The following HULC variants were observed in gnomAD, a reference collection of about 807,000 sequenced individuals.
HULC encodes hepatocellular carcinoma up-regulated long non-coding RNA, also known as hepatocellular carcinoma associated transcript 1 (non-protein coding).
In HULC at chr6:8,652,854, C is replaced by G. The variant is rs1218344720; in HGVS notation, n.313+105640C>G. Reference sequence around the variant, plus strand: ...GGACAACCATGTATGCTGTCTGAAGCACAGCCTGACGCCCCTGTGGACCTT... The same window carrying G: ...GGACAACCATGTATGCTGTCTGAAGGACAGCCTGACGCCCCTGTGGACCTT... On this transcript the variant is annotated intron_variant and non_coding_transcript_variant, in intron 3 of 8. Transcript: ENST00000645747. The surrounding 1 kb of genome is among the most constrained non-coding windows in gnomAD (Gnocchi z 5.0). 1.3e-5 allele frequency: 2 copies of G among 152,254 alleles called. No homozygotes were observed. Among genetic ancestry groups the G allele is most frequent in the Non-Finnish European group, 2.9e-5 (2 of 68,094 alleles). The allele number at this position is 152,254 out of a possible 1,614,324, so 9.4% of individuals were successfully genotyped here. A position where few individuals can be genotyped will look rare whatever the true frequency, so the allele number is the denominator to read the frequency against.
At position 8,653,199 on chromosome 6, in the gene HULC, C is replaced by T. The variant is rs185805304; in HGVS notation, n.313+105985C>T. 2.0e-5 allele frequency: 3 copies of T among 152,296 alleles called. No homozygotes were observed. Among genetic ancestry groups the T allele is most frequent in the Admixed American group, 2.0e-4 (3 of 15,306 alleles). The allele number at this position is 152,296 out of a possible 1,614,324, so 9.4% of individuals were successfully genotyped here. On this transcript the variant is annotated intron_variant and non_coding_transcript_variant, in intron 3 of 8. Transcript: ENST00000645747. This position sits in a 1 kb window ranked among gnomAD's most constrained non-coding sequence, Gnocchi z 4.3. Reference sequence around the variant, plus strand: ...GAAACCATTTAGGGAACAATGTATTCACTTGCTAAAGATCAACCAACTTGT... The same window carrying T: ...GAAACCATTTAGGGAACAATGTATTTACTTGCTAAAGATCAACCAACTTGT...
rs1296059006 is a variant in HULC at position 8,652,869 on chromosome 6, C to G, written n.313+105655C>G. On this transcript the variant is annotated intron_variant and non_coding_transcript_variant, in intron 3 of 8. Coordinates refer to ENST00000645747, the Ensembl canonical transcript of HULC. The surrounding 1 kb of genome is among the most constrained non-coding windows in gnomAD (Gnocchi z 5.0). ...CTGTCTGAAGCACAGCCTGACGCCC[C>G]TGTGGACCTTTATAGAATGCAAAGA... is the stretch of plus-strand genomic sequence containing the variant. 6.6e-6 allele frequency: 1 copy of G among 152,232 alleles called. No homozygotes were observed. The highest frequency in any genetic ancestry group is 1.9e-4 in the East Asian group (1 of 5,196). 9.4% of individuals were successfully genotyped at this position (152,232 alleles called of 1,614,324 possible). A position where few individuals can be genotyped will look rare whatever the true frequency, so the allele number is the denominator to read the frequency against.
chr6:8,653,147 C>A lies in HULC; in HGVS notation n.313+105933C>A, dbSNP rs1313466123. 6.6e-6 allele frequency: 1 copy of A among 152,128 alleles called. No individual in the cohort carries two copies. The highest frequency in any genetic ancestry group is 1.5e-5 in the Non-Finnish European group (1 of 68,012). 9.4% of individuals were successfully genotyped at this position (152,128 alleles called of 1,614,324 possible). On this transcript the variant is annotated intron_variant and non_coding_transcript_variant, in intron 3 of 8. Coordinates refer to ENST00000645747, the Ensembl canonical transcript of HULC. The surrounding 1 kb of genome is among the most constrained non-coding windows in gnomAD (Gnocchi z 4.3). ...CCTTAGAACATCACAGTGAGTGCAACCTCCCACAGAGCTAACCTGTGTAAT... is the reference window on the plus strand; with the variant it reads ...CCTTAGAACATCACAGTGAGTGCAAACTCCCACAGAGCTAACCTGTGTAAT...
Position 8,653,667 on chromosome 6 carries a change from C to T in HULC, n.313+106453C>T, listed in dbSNP as rs1257559405. On this transcript the variant is annotated intron_variant and non_coding_transcript_variant, in intron 3 of 8. Transcript: ENST00000645747. The surrounding 1 kb of genome is among the most constrained non-coding windows in gnomAD (Gnocchi z 4.3). ...AAGTTTCCTGGCAATAAACTAAGCA[C>T]AGCATTATTTTTTAAGGAACACAAA... 1.3e-5 allele frequency: 2 copies of T among 152,090 alleles called. No individual in the cohort carries two copies. The highest frequency in any genetic ancestry group is 2.9e-5 in the Non-Finnish European group (2 of 68,020). 9.4% of individuals were successfully genotyped at this position (152,090 alleles called of 1,614,324 possible). A position where few individuals can be genotyped will look rare whatever the true frequency, so the allele number is the denominator to read the frequency against.
In HULC at chr6:8,653,150, C is replaced by G. The variant is rs889031377; in HGVS notation, n.313+105936C>G. 13 of 152,154 alleles carry G rather than the reference C, an allele frequency of 8.5e-5. No individual in the cohort carries two copies. Among genetic ancestry groups the G allele is most frequent in the African/African-American group, 2.9e-4 (12 of 41,448 alleles). 9.4% of individuals were successfully genotyped at this position (152,154 alleles called of 1,614,324 possible). On this transcript the variant is annotated intron_variant and non_coding_transcript_variant, in intron 3 of 8. Coordinates refer to ENST00000645747, the Ensembl canonical transcript of HULC. This position sits in a 1 kb window ranked among gnomAD's most constrained non-coding sequence, Gnocchi z 4.3. The stretch of plus-strand genomic sequence containing the variant: ...TAGAACATCACAGTGAGTGCAACCT[C>G]CCACAGAGCTAACCTGTGTAATTGA...
chr6:8,652,961 C>G lies in HULC; in HGVS notation n.313+105747C>G, dbSNP rs1450671145. 6.6e-6 allele frequency: 1 copy of G among 152,268 alleles called. No homozygotes were observed. The highest frequency in any genetic ancestry group is 1.5e-5 in the Non-Finnish European group (1 of 68,104). 9.4% of individuals were successfully genotyped at this position (152,268 alleles called of 1,614,324 possible). On this transcript the variant is annotated intron_variant and non_coding_transcript_variant, in intron 3 of 8. Coordinates refer to ENST00000645747, the Ensembl canonical transcript of HULC. This position sits in a 1 kb window ranked among gnomAD's most constrained non-coding sequence, Gnocchi z 5.0. ...AATTCACTTATGCTCCACCCCCAACCCAGAACTCTGCGGATAAAGGAATTC... is the reference window on the plus strand; with the variant it reads ...AATTCACTTATGCTCCACCCCCAACGCAGAACTCTGCGGATAAAGGAATTC...
Position 8,652,515 on chromosome 6 carries a change from T to C in HULC, n.313+105301T>C, listed in dbSNP as rs1767315371. On this transcript the variant is annotated intron_variant and non_coding_transcript_variant, in intron 3 of 8. Transcript: ENST00000645747. The surrounding 1 kb of genome is among the most constrained non-coding windows in gnomAD (Gnocchi z 5.0). ...GTGGGGCTGTTCCTTCACTATCTGG[T>C]GCTGAAGCTTTAAGTCCACGGGGCA... The C allele has an allele frequency of 6.6e-6, 1 of 152,314 alleles. No homozygotes were observed. The highest frequency in any genetic ancestry group is 1.5e-5 in the Non-Finnish European group (1 of 68,162). 9.4% of individuals were successfully genotyped at this position (152,314 alleles called of 1,614,324 possible). A position where few individuals can be genotyped will look rare whatever the true frequency, so the allele number is the denominator to read the frequency against.
Position 8,652,654 on chromosome 6 carries a change from A to G in HULC, n.313+105440A>G, listed in dbSNP as rs1411560198. On this transcript the variant is annotated intron_variant and non_coding_transcript_variant, in intron 3 of 8. Transcript: ENST00000645747. The surrounding 1 kb of genome is among the most constrained non-coding windows in gnomAD (Gnocchi z 5.0). ...CTGGGACCCATTAGCCCCTCTTACC[A>G]CCTGTTAGCCTCCATCTTTGATTAT... The G allele has an allele frequency of 6.6e-6, 1 of 152,096 alleles. No individual in the cohort carries two copies. The allele number at this position is 152,096 out of a possible 1,614,324, so 9.4% of individuals were successfully genotyped here. A position where few individuals can be genotyped will look rare whatever the true frequency, so the allele number is the denominator to read the frequency against.
Position 8,653,100 on chromosome 6 carries a change from C to G in HULC, n.313+105886C>G, listed in dbSNP as rs1300271687. The G allele has an allele frequency of 6.6e-6, 1 of 151,608 alleles. No homozygotes were observed. Among genetic ancestry groups the G allele is most frequent in the Non-Finnish European group, 1.5e-5 (1 of 68,022 alleles). 9.4% of individuals were successfully genotyped at this position (151,608 alleles called of 1,614,324 possible). On this transcript the variant is annotated intron_variant and non_coding_transcript_variant, in intron 3 of 8. Coordinates refer to ENST00000645747, the Ensembl canonical transcript of HULC. This position sits in a 1 kb window ranked among gnomAD's most constrained non-coding sequence, Gnocchi z 4.3. ...GTTTCAGTGCTACAGAATATTTTAT[C>G]TTCTCAGAAACCATGTAGTCTCCTT...
Position 8,652,668 on chromosome 6 carries a change from ATCTTTGATTATGGAATCGAT to A in HULC, n.313+105456_313+105475del, listed in dbSNP as rs573150815. 3 of 152,384 alleles carry A rather than the reference ATCTTTGATTATGGAATCGAT, an allele frequency of 2.0e-5. No homozygotes were observed. In the South Asian group the frequency reaches 6.2e-4, roughly 32 times the overall value. 9.4% of individuals were successfully genotyped at this position (152,384 alleles called of 1,614,324 possible). A position where few individuals can be genotyped will look rare whatever the true frequency, so the allele number is the denominator to read the frequency against. On this transcript the variant is annotated intron_variant and non_coding_transcript_variant, in intron 3 of 8. Transcript: ENST00000645747. The surrounding 1 kb of genome is among the most constrained non-coding windows in gnomAD (Gnocchi z 5.0). ...CCCCTCTTACCACCTGTTAGCCTCCATCTTTGATTATGGAATCGATTTGCTGGAGAAGCTGGAGCTTTTCC... is the reference window on the plus strand; with the variant it reads ...CCCCTCTTACCACCTGTTAGCCTCCATTGCTGGAGAAGCTGGAGCTTTTCC...
In HULC at chr6:8,652,454, A is replaced by G. The variant is rs1328867; in HGVS notation, n.313+105240A>G. On this transcript the variant is annotated intron_variant and non_coding_transcript_variant, in intron 3 of 8. Coordinates refer to ENST00000645747, the Ensembl canonical transcript of HULC. This position sits in a 1 kb window ranked among gnomAD's most constrained non-coding sequence, Gnocchi z 5.0. ...TATAGCAGCCTAAGCGGACTGAGAC[A>G]CGTGAAGGTGGACTGAGACACATGA... 0.44 allele frequency: 66,949 copies of G among 152,150 alleles called. 15,059 individuals carry two copies. Among genetic ancestry groups the G allele is most frequent in the Non-Finnish European group, 0.46 (31,191 of 68,034 alleles). 9.4% of individuals were successfully genotyped at this position (152,150 alleles called of 1,614,324 possible).
At position 8,652,918 on chromosome 6, in the gene HULC, C is replaced by G. The variant is rs76371722; in HGVS notation, n.313+105704C>G. The G allele has an allele frequency of 0.073, 11,136 of 152,286 alleles. 434 individuals are homozygous for G. The highest frequency in any genetic ancestry group is 0.11 in the Middle Eastern group (32 of 294). 9.4% of individuals were successfully genotyped at this position (152,286 alleles called of 1,614,324 possible). A position where few individuals can be genotyped will look rare whatever the true frequency, so the allele number is the denominator to read the frequency against. On this transcript the variant is annotated intron_variant and non_coding_transcript_variant, in intron 3 of 8. Coordinates refer to ENST00000645747, the Ensembl canonical transcript of HULC. The surrounding 1 kb of genome is among the most constrained non-coding windows in gnomAD (Gnocchi z 5.0). ...GAGTATGGCTGCTACTTCACTTTTA[C>G]CTTTCAAATCTTGTGCAAATTCACT...
chr6:8,653,554 T>C lies in HULC; in HGVS notation n.313+106340T>C, dbSNP rs1440793281. Reference sequence around the variant, plus strand: ...TCTTTCCTCTTCCTAGAAATGCATATGTATCTTTGGAAGAAACTCTGAAGT... The same window carrying C: ...TCTTTCCTCTTCCTAGAAATGCATACGTATCTTTGGAAGAAACTCTGAAGT... On this transcript the variant is annotated intron_variant and non_coding_transcript_variant, in intron 3 of 8. Transcript: ENST00000645747. This position sits in a 1 kb window ranked among gnomAD's most constrained non-coding sequence, Gnocchi z 4.3. 2 of 152,184 alleles carry C rather than the reference T, an allele frequency of 1.3e-5. No individual in the cohort carries two copies. Among genetic ancestry groups the C allele is most frequent in the African/African-American group, 4.8e-5 (2 of 41,442 alleles). The allele number at this position is 152,184 out of a possible 1,614,324, so 9.4% of individuals were successfully genotyped here.
Position 8,652,270 on chromosome 6 carries a change from T to C in HULC, n.313+105056T>C, listed in dbSNP as rs1311250387. 6.6e-6 allele frequency: 1 copy of C among 152,112 alleles called. No individual in the cohort carries two copies. Among genetic ancestry groups the C allele is most frequent in the East Asian group, 1.9e-4 (1 of 5,172 alleles). The allele number at this position is 152,112 out of a possible 1,614,324, so 9.4% of individuals were successfully genotyped here. A position where few individuals can be genotyped will look rare whatever the true frequency, so the allele number is the denominator to read the frequency against. ...CAAGGGAATGAAGAGACAAGAGCTC[T>C]CTTTATGCCACGTGAGGATACAGCA... On this transcript the variant is annotated intron_variant and non_coding_transcript_variant, in intron 3 of 8. Transcript: ENST00000645747. The surrounding 1 kb of genome is among the most constrained non-coding windows in gnomAD (Gnocchi z 5.0).
rs1767320018 is a variant in HULC at position 8,652,839 on chromosome 6, G to A, written n.313+105625G>A. The A allele has an allele frequency of 1.3e-5, 2 of 152,320 alleles. No individual in the cohort carries two copies. The highest frequency in any genetic ancestry group is 2.9e-5 in the Non-Finnish European group (2 of 68,138). 9.4% of individuals were successfully genotyped at this position (152,320 alleles called of 1,614,324 possible). On this transcript the variant is annotated intron_variant and non_coding_transcript_variant, in intron 3 of 8. Coordinates refer to ENST00000645747, the Ensembl canonical transcript of HULC. The surrounding 1 kb of genome is among the most constrained non-coding windows in gnomAD (Gnocchi z 5.0). ...GTTGAACTGGCACTGGGACAACCAT[G>A]TATGCTGTCTGAAGCACAGCCTGAC...
At position 8,653,600 on chromosome 6, in the gene HULC, T is replaced by C. The variant is rs1047081386; in HGVS notation, n.313+106386T>C. On this transcript the variant is annotated intron_variant and non_coding_transcript_variant, in intron 3 of 8. Coordinates refer to ENST00000645747, the Ensembl canonical transcript of HULC. This position sits in a 1 kb window ranked among gnomAD's most constrained non-coding sequence, Gnocchi z 4.3. ...GAAGTAAAGGCCGGAATATTCTTTG[T>C]TTAAAACATTAAAAACAAAACAGAC... is the stretch of plus-strand genomic sequence containing the variant. The C allele has an allele frequency of 6.6e-6, 1 of 152,218 alleles. No individual in the cohort carries two copies. Among genetic ancestry groups the C allele is most frequent in the Admixed American group, 6.5e-5 (1 of 15,274 alleles). 9.4% of individuals were successfully genotyped at this position (152,218 alleles called of 1,614,324 possible). A position where few individuals can be genotyped will look rare whatever the true frequency, so the allele number is the denominator to read the frequency against.
At position 8,652,866 on chromosome 6, in the gene HULC, C is replaced by A. The variant is rs1339788761; in HGVS notation, n.313+105652C>A. ...ATGCTGTCTGAAGCACAGCCTGACG[C>A]CCCTGTGGACCTTTATAGAATGCAA... On this transcript the variant is annotated intron_variant and non_coding_transcript_variant, in intron 3 of 8. Coordinates refer to ENST00000645747, the Ensembl canonical transcript of HULC. This position sits in a 1 kb window ranked among gnomAD's most constrained non-coding sequence, Gnocchi z 5.0. The A allele has an allele frequency of 1.3e-5, 2 of 152,188 alleles. No individual in the cohort carries two copies. The highest frequency in any genetic ancestry group is 2.9e-5 in the Non-Finnish European group (2 of 68,066). 9.4% of individuals were successfully genotyped at this position (152,188 alleles called of 1,614,324 possible). A position where few individuals can be genotyped will look rare whatever the true frequency, so the allele number is the denominator to read the frequency against.
At position 8,652,840 on chromosome 6, in the gene HULC, T is replaced by C. The variant is rs1218409293; in HGVS notation, n.313+105626T>C. 6.6e-6 allele frequency: 1 copy of C among 152,316 alleles called. No individual in the cohort carries two copies. Among genetic ancestry groups the C allele is most frequent in the African/African-American group, 2.4e-5 (1 of 41,456 alleles). 9.4% of individuals were successfully genotyped at this position (152,316 alleles called of 1,614,324 possible). On this transcript the variant is annotated intron_variant and non_coding_transcript_variant, in intron 3 of 8. Coordinates refer to ENST00000645747, the Ensembl canonical transcript of HULC. The surrounding 1 kb of genome is among the most constrained non-coding windows in gnomAD (Gnocchi z 5.0). ...TTGAACTGGCACTGGGACAACCATGTATGCTGTCTGAAGCACAGCCTGACG... is the reference window on the plus strand; with the variant it reads ...TTGAACTGGCACTGGGACAACCATGCATGCTGTCTGAAGCACAGCCTGACG...
rs1360263916 is a variant in HULC at position 8,653,089 on chromosome 6, G to T, written n.313+105875G>T. On this transcript the variant is annotated intron_variant and non_coding_transcript_variant, in intron 3 of 8. Coordinates refer to ENST00000645747, the Ensembl canonical transcript of HULC. The surrounding 1 kb of genome is among the most constrained non-coding windows in gnomAD (Gnocchi z 4.3). The stretch of plus-strand genomic sequence containing the variant: ...ATATTCGACCTGTTTCAGTGCTACA[G>T]AATATTTTATCTTCTCAGAAACCAT... 6.6e-6 allele frequency: 1 copy of T among 151,840 alleles called. No homozygotes were observed. Among genetic ancestry groups the T allele is most frequent in the African/African-American group, 2.4e-5 (1 of 41,124 alleles). The allele number at this position is 151,840 out of a possible 1,614,324, so 9.4% of individuals were successfully genotyped here.
Sources: gnomAD v4.1 joint callset for allele counts on GRCh38, gnomAD v4.1.1 for gene constraint, Gnocchi (gnomAD v3.1) non-coding constraint, MANE v1.5 for transcripts, NCBI Gene and HGNC (gene_info 2026-07-23, HGNC 2026-07-21) for gene names.